The following ARHGAP12 variants were observed in gnomAD, a reference collection of about 807,000 sequenced individuals.
The protein encoded by ARHGAP12 is Rho GTPase activating protein 12.
Under a neutral mutation model 108.6 loss-of-function variants are expected in ARHGAP12, and 64 were observed. That is an observed-to-expected ratio of 0.59 (90% confidence interval 0.48 to 0.73). The LOEUF (loss-of-function observed/expected upper bound fraction) is 0.73. ARHGAP12 is among the 30% of genes least tolerant of loss of function. The probability of loss-of-function intolerance (pLI) is 0.00; values close to 1 mark genes in which losing one functional copy is unlikely to be tolerated. For synonymous variants in ARHGAP12, 312 were observed against 337.2 expected (o/e 0.93, Z 0.82); for missense variants, 940 against 1,005.9 (o/e 0.93, Z 0.89).
chr10:31,858,968 G>A (rs370015363), intron 4 of ARHGAP12, among the ~76,000 whole-genome samples: 3 of 150,114 alleles, frequency 2.0e-5, no homozygotes, highest in Non-Finnish European at 3.0e-5. Flanking sequence ...AGCAACTGAC[G>A]GTATCAGGTA....
chr10:31,896,267 A>G (rs1838688732), intron 3 of ARHGAP12, among the ~76,000 whole-genome samples: 1 of 150,268 alleles, frequency 6.7e-6, no homozygotes, highest in South Asian at 2.1e-4. Flanking sequence ...AAAATAAAAT[A>G]ATGGATGTGA....
chr10:31,866,229 A>G (rs1480871856), intron 3 of ARHGAP12, among the ~76,000 whole-genome samples: 1 of 152,242 alleles, frequency 6.6e-6, no homozygotes, highest in Admixed American at 6.5e-5. Context: ...GACAGTATCA[A>G]ATTCAAAGAC....
rs989164066 is a variant in ARHGAP12 at position 31,862,711 on chromosome 10, C to G, written c.685-1053G>C. ...AGTGGCGCATGCACACACAGACACA[C>G]ACACACACACACACACACACACACA... On this transcript the variant is annotated intron_variant, in intron 3 of 19. Coordinates refer to ENST00000344936, the MANE Select transcript of ARHGAP12 (RefSeq NM_018287.7). Among the ~76,000 whole-genome samples, 253 of 55,896 alleles carry G rather than the reference C, an allele frequency of 4.5e-3. 2 individuals are homozygous for G. The highest frequency in any genetic ancestry group is 0.016 in the African/African-American group (220 of 14,032). The allele number at this position is 55,896 out of a possible 152,430, so 36.7% of individuals were successfully genotyped here.
At chr10:31,830,774 C>T (rs1835802004) in intron 10 of ARHGAP12, among the ~76,000 whole-genome samples, 1 of 152,050 alleles carries the variant, frequency 6.6e-6, no homozygotes, top group Non-Finnish European at 1.5e-5. Context: ...TATAAAGAAA[C>T]AATTCAACAA....
chr10:31,843,379 T>C (rs1486173065), intron 7 of ARHGAP12, 82 bp downstream of exon 7: 3 of 1,381,456 alleles, frequency 2.2e-6, no homozygotes, highest in Non-Finnish European at 3.0e-6. Flanking sequence ...ATTTACTAAA[T>C]ACATAAAATA....
At chr10:31,808,566 T>C (rs1834904114) in intron 19 of ARHGAP12, 83 bp downstream of exon 19, 7 of 1,201,306 alleles carry the variant, frequency 5.8e-6, no homozygotes, top group Non-Finnish European at 7.2e-6. Flanking sequence ...GATCCAAATC[T>C]GAGTCTGAGT....
At chr10:31,911,447 G>A (rs192787726) in intron 1 of ARHGAP12, among the ~76,000 whole-genome samples, 4 of 152,054 alleles carry the variant, frequency 2.6e-5, no homozygotes, top group East Asian at 1.9e-4. Context: ...CCCGAGTAGC[G>A]GGAACTGCAG....
intron 3 of ARHGAP12, among the ~76,000 whole-genome samples, chr10:31,891,750 T>C (rs1408477428): frequency 6.6e-6 from 1 of 152,222 alleles, no homozygotes; most frequent in Non-Finnish European, 1.5e-5. Flanking sequence ...TTTCACATAG[T>C]CCCATATTTC....
intron 6 of ARHGAP12, among the ~76,000 whole-genome samples, chr10:31,846,899 A>ATTTTTTTTTTTTTTTTTT (rs377177944): frequency 1.2e-5 from 1 of 84,628 alleles, no homozygotes; most frequent in African/African-American, 4.8e-5. Flanking sequence ...GGCACTGTTC[A>ATTTTTTTTTTTTTTTTTT]TTTTTTTTTT....
At chr10:31,810,973 T>G (rs949108095) in intron 15 of ARHGAP12, among the ~76,000 whole-genome samples, 1 of 152,226 alleles carries the variant, frequency 6.6e-6, no homozygotes, top group Non-Finnish European at 1.5e-5. Context: ...TTCTTTGTAC[T>G]TTCTACTGCT....
rs1452199281 is a variant in ARHGAP12, at chr10:31,857,756, G to C, written c.949-3550C>G. ...ATCAACAATGGAAGCCGGAAAATAT[G>C]AGAATAAAATCTTCAATGAACAAAG... On this transcript the variant is annotated intron_variant, in intron 4 of 19. Coordinates refer to ENST00000344936, the MANE Select transcript of ARHGAP12 (RefSeq NM_018287.7). 2.0e-5 allele frequency among the ~76,000 whole-genome samples: 3 copies of C among 152,174 alleles called. No homozygotes were observed. The East Asian group carries it at 5.8e-4, about 29-fold the overall frequency.
At chr10:31,909,604 T>C (rs896419093) in intron 2 of ARHGAP12, among the ~76,000 whole-genome samples, 1 of 152,058 alleles carries the variant, frequency 6.6e-6, no homozygotes, top group Admixed American at 6.6e-5. Context: ...CCTTTATAAG[T>C]AGAGGGAGAT....
chr10:31,927,593 C>T (rs548868794), intron 1 of ARHGAP12, among the ~76,000 whole-genome samples: 1 of 152,318 alleles, frequency 6.6e-6, no homozygotes, highest in South Asian at 2.1e-4. Context: ...CCAGCCACAA[C>T]CAATCGTGTT....
intron 5 of ARHGAP12, among the ~76,000 whole-genome samples, chr10:31,853,780 T>C (rs1333576479): frequency 1.3e-5 from 2 of 152,148 alleles, no homozygotes; most frequent in African/African-American, 4.8e-5. Context: ...CAGAAAAATA[T>C]AAAGAAATAT....
chr10:31,827,108 T>C (rs1259323334), intron 10 of ARHGAP12: 1 of 152,202 alleles, frequency 6.6e-6, no homozygotes, highest in Admixed American at 6.5e-5. Flanking sequence ...TACTATCCTA[T>C]CTCCAGATAC....
At chr10:31,850,414 T>G (rs1210615656) in intron 6 of ARHGAP12, among the ~76,000 whole-genome samples, 1 of 152,094 alleles carries the variant, frequency 6.6e-6, no homozygotes, top group African/African-American at 2.4e-5. Flanking sequence ...TACTGAGTAA[T>G]TACATCCCTC....
At chr10:31,918,320 C>T (rs960578204) in intron 1 of ARHGAP12, among the ~76,000 whole-genome samples, 5 of 55,624 alleles carry the variant, frequency 9.0e-5, no homozygotes, top group African/African-American at 3.9e-4. Context: ...GGAAATCACA[C>T]ACACACACAC....
chr10:31,900,994 T>C (rs2132432470), intron 3 of ARHGAP12, among the ~76,000 whole-genome samples: 1 of 152,168 alleles, frequency 6.6e-6, no homozygotes, highest in Non-Finnish European at 1.5e-5. Context: ...GGCGGGCTGA[T>C]CACTTGAGGT....
At chr10:31,824,395 T>C (rs185091547) in intron 11 of ARHGAP12, among the ~76,000 whole-genome samples, 1 of 152,174 alleles carries the variant, frequency 6.6e-6, no homozygotes, top group Non-Finnish European at 1.5e-5. Context: ...TTCCCTGTAA[T>C]TAAAAATTCA....
Sources: allele counts gnomAD v4.1 joint callset (sites outside exome capture counted in the v4.1 genomes callset), GRCh38; gene constraint gnomAD v4.1.1; transcripts MANE v1.5; gene names NCBI Gene and HGNC (gene_info 2026-07-23, HGNC 2026-07-21).